Variants in KCNQ1 observed in about 807,000 individuals in gnomAD.
The protein encoded by KCNQ1 is potassium voltage-gated channel subfamily KQT member 1.
A neutral mutation model predicts 72.4 loss-of-function variants in KCNQ1; 49 were observed. The observed-to-expected ratio is 0.68, with a 90% CI of 0.54 to 0.86. KCNQ1 has a LOEUF of 0.86. Among genes scored for constraint, KCNQ1 ranks in the 40% least tolerant of loss-of-function variants. The pLI is 0.00. For missense variants in KCNQ1, 790 were observed against 945.1 expected (o/e 0.84, Z 2.15); for synonymous variants, 450 against 412.6 (o/e 1.09, Z -1.10).
Position 2,784,257 on chromosome 11 carries a change from A to G in KCNQ1, c.1794+6220A>G, listed in dbSNP as rs1170661671. Among the ~76,000 whole-genome samples, 1 of 151,938 alleles carries G rather than the reference A, an allele frequency of 6.6e-6. No individual in the cohort carries two copies. Among genetic ancestry groups the G allele is most frequent in the Admixed American group, 6.6e-5 (1 of 15,264 alleles). On this transcript the variant is annotated intron_variant, in intron 15 of 15. Coordinates refer to ENST00000155840, the MANE Select transcript of KCNQ1 (RefSeq NM_000218.3). The surrounding 1 kb of genome is among the most constrained non-coding windows in gnomAD (Gnocchi z 4.7). ...TCCAATTGCCCCAGAACATTTGTTG[A>G]AAATACCCCATTTCCTCCTTTGAAT...
intron 1 of KCNQ1, among the ~76,000 whole-genome samples, chr11:2,520,383 T>A (rs1847360416): frequency 6.6e-6 from 1 of 152,198 alleles, no homozygotes; most frequent in Non-Finnish European, 1.5e-5. Context: ...CTCACCCCTT[T>A]GGGAGGGGTC....
chr11:2,839,460 G>C (rs1234580941), intron 15 of KCNQ1, among the ~76,000 whole-genome samples: 2 of 152,260 alleles, frequency 1.3e-5, no homozygotes, highest in African/African-American at 4.8e-5. Context: ...CCAGATGCAG[G>C]GAGGGAGGTG....
intron 2 of KCNQ1, among the ~76,000 whole-genome samples, chr11:2,530,475 A>C (rs894909286): frequency 6.6e-6 from 1 of 152,192 alleles, no homozygotes. Context: ...CGCGCTGCCA[A>C]ACATTCCCCT....
rs1205494680 is a variant in KCNQ1 at position 2,571,200 on chromosome 11, G to A, written c.605-125G>A. The A allele has an allele frequency of 1.5e-5, 12 of 796,558 alleles. No individual in the cohort carries two copies. In the East Asian group the frequency reaches 1.8e-4, roughly 12 times the overall value. 49.3% of individuals were successfully genotyped at this position (796,558 alleles called of 1,614,324 possible). A position where few individuals can be genotyped will look rare whatever the true frequency, so the allele number is the denominator to read the frequency against. ...CTATCCGAGGTGTCTCCATGTCCCC[G>A]GTCATCAGGGCGTGACCCGTCTGAC... is the stretch of plus-strand genomic sequence containing the variant. On this transcript the variant is annotated intron_variant, in intron 3 of 15. Coordinates refer to ENST00000155840, the MANE Select transcript of KCNQ1 (RefSeq NM_000218.3).
At chr11:2,777,936 C>G in intron 14 of KCNQ1, 40 bp from the exon 15 acceptor site, 1 of 1,607,316 alleles carries the variant, frequency 6.2e-7, no homozygotes. Context: ...CCGGCCCACC[C>G]CAGCACTTGG....
intron 11 of KCNQ1, among the ~76,000 whole-genome samples, chr11:2,709,730 C>T (rs1052028867): frequency 6.6e-6 from 1 of 152,196 alleles, no homozygotes; most frequent in Non-Finnish European, 1.5e-5. Context: ...TAGCTGGAAT[C>T]ACACACTAAG....
chr11:2,567,994 C>T lies in KCNQ1; in HGVS notation c.478-2634C>T, dbSNP rs756517917. ...AAAAGTGCATCAAAACAAGGTCAGG[C>T]GCGGTGGCTCACGCTTATAATCCCA... On this transcript the variant is annotated intron_variant, in intron 2 of 15. Transcript: ENST00000155840. This position sits in a 1 kb window ranked among gnomAD's most constrained non-coding sequence, Gnocchi z 6.6. Among the ~76,000 whole-genome samples the T allele has an allele frequency of 5.3e-5, 8 of 152,166 alleles. No homozygotes were observed. Among genetic ancestry groups the T allele is most frequent in the Non-Finnish European group, 1.0e-4 (7 of 68,038 alleles).
intron 6 of KCNQ1, among the ~76,000 whole-genome samples, chr11:2,574,633 A>G (rs528781056): frequency 6.6e-6 from 1 of 152,264 alleles, no homozygotes; most frequent in South Asian, 2.1e-4. Context: ...GTGGCTCCCC[A>G]GGCAGGCACG....
chr11:2,788,740 G>A (rs1296927604), intron 15 of KCNQ1, among the ~76,000 whole-genome samples: 3 of 152,206 alleles, frequency 2.0e-5, no homozygotes, highest in Non-Finnish European at 4.4e-5. Context: ...CTGAGGAGCC[G>A]TCTTAGTGGA....
In KCNQ1 at chr11:2,445,479, C is replaced by T. The variant is rs199472682; in HGVS notation, c.381C>T (p.Phe127=). ...GCTGGAAATGCTTCGTTTACCACTT[C>T]GCCGTGTGAGTATCGCCACCGGCGA... ...PTGWKCFVYH[F]AVFLIVLVCL... is the part of the protein sequence containing the mutation. Residue 127 remains phenylalanine, a synonymous_variant, in exon 1 of 16, where the codon TTC becomes TTT. Coordinates refer to ENST00000155840, the MANE Select transcript of KCNQ1 (RefSeq NM_000218.3). 3.8e-6 allele frequency: 6 copies of T among 1,594,964 alleles called. No individual in the cohort carries two copies. The highest frequency in any genetic ancestry group is 2.2e-5 in the East Asian group (1 of 44,752).
intron 15 of KCNQ1, among the ~76,000 whole-genome samples, chr11:2,838,369 A>G (rs1450344919): frequency 6.6e-6 from 1 of 152,052 alleles, no homozygotes; most frequent in Non-Finnish European, 1.5e-5. Flanking sequence ...CAGGCTGCAG[A>G]GTGAGGCCAG....
In KCNQ1 at chr11:2,690,387, C is replaced by A. The variant is rs1850568766; in HGVS notation, c.1514+28306C>A. On this transcript the variant is annotated intron_variant, in intron 11 of 15. Transcript: ENST00000155840. The surrounding 1 kb of genome is among the most constrained non-coding windows in gnomAD (Gnocchi z 5.1). ...TACTTGGCATGGAACATGTGCCAGA[C>A]CAAAAGAGCTATCTCTCTCCCTGCG... The A allele has an allele frequency of 2.5e-6, 1 of 398,538 alleles. No individual in the cohort carries two copies. Among genetic ancestry groups the A allele is most frequent in the African/African-American group, 2.1e-5 (1 of 48,626 alleles). 24.7% of individuals were successfully genotyped at this position (398,538 alleles called of 1,614,324 possible). A position where few individuals can be genotyped will look rare whatever the true frequency, so the allele number is the denominator to read the frequency against.
chr11:2,779,809 A>C (rs918608022), intron 15 of KCNQ1, among the ~76,000 whole-genome samples: 4 of 152,208 alleles, frequency 2.6e-5, no homozygotes, highest in Non-Finnish European at 4.4e-5. Flanking sequence ...GTCCTCAGTC[A>C]GCCAAGGTCG....
intron 1 of KCNQ1, among the ~76,000 whole-genome samples, chr11:2,510,520 T>TAGAGGTTG (rs1847181861): frequency 6.6e-6 from 1 of 152,028 alleles, no homozygotes; most frequent in South Asian, 2.1e-4. Flanking sequence ...GGTGGGAGGA[T>TAGAGGTTG]CACTTGAGCC....
At chr11:2,518,812 G>A (rs374748442) in intron 1 of KCNQ1, among the ~76,000 whole-genome samples, 22 of 152,288 alleles carry the variant, frequency 1.4e-4, no homozygotes, top group African/African-American at 2.9e-4. Flanking sequence ...CTCAGCTGCC[G>A]CGGAACAAGC....
At position 2,592,143 on chromosome 11, in the gene KCNQ1, C is replaced by T. The variant is rs886730507; in HGVS notation, c.1393+3289C>T. 2.6e-5 allele frequency among the ~76,000 whole-genome samples: 4 copies of T among 152,252 alleles called. No homozygotes were observed. Among genetic ancestry groups the T allele is most frequent in the Non-Finnish European group, 4.4e-5 (3 of 68,048 alleles). On this transcript the variant is annotated intron_variant, in intron 10 of 15. Coordinates refer to ENST00000155840, the MANE Select transcript of KCNQ1 (RefSeq NM_000218.3). The surrounding 1 kb of genome is among the most constrained non-coding windows in gnomAD (Gnocchi z 5.2). ...ACCCTGCCTCAGGGCTGCTACCTGT[C>T]TGCGCCATCCACCTGCACACAAGCC...
In KCNQ1 at chr11:2,698,876, A is replaced by T. The variant is rs1260144935; in HGVS notation, c.1514+36795A>T. On this transcript the variant is annotated intron_variant, in intron 11 of 15. Transcript: ENST00000155840. This position sits in a 1 kb window ranked among gnomAD's most constrained non-coding sequence, Gnocchi z 5.1. ...CAGACCCGGACTGACTGGGACCCCA[A>T]CTACTCAGATCCCAACTCAGGCAAA... 2.5e-6 allele frequency: 1 copy of T among 398,660 alleles called. No individual in the cohort carries two copies. Among genetic ancestry groups the T allele is most frequent in the African/African-American group, 2.1e-5 (1 of 48,606 alleles). The allele number at this position is 398,660 out of a possible 1,614,324, so 24.7% of individuals were successfully genotyped here.
rs1022619846 is a variant in KCNQ1 at position 2,815,611 on chromosome 11, C to A, written c.1795-32156C>A. Among the ~76,000 whole-genome samples the A allele has an allele frequency of 2.6e-5, 4 of 152,144 alleles. No individual in the cohort carries two copies. The highest frequency in any genetic ancestry group is 9.7e-5 in the African/African-American group (4 of 41,426). On this transcript the variant is annotated intron_variant, in intron 15 of 15. Coordinates refer to ENST00000155840, the MANE Select transcript of KCNQ1 (RefSeq NM_000218.3). This position sits in a 1 kb window ranked among gnomAD's most constrained non-coding sequence, Gnocchi z 5.4. ...CAAGAAAGATGAGGCACCCAGGATG[C>A]CTGACAGTAGAGTTGCAGGGGGGCA...
At chr11:2,771,865 G>T (rs982317429) in intron 12 of KCNQ1, among the ~76,000 whole-genome samples, 1 of 152,200 alleles carries the variant, frequency 6.6e-6, no homozygotes, top group Non-Finnish European at 1.5e-5. Context: ...GAGGGAGTGG[G>T]TCCCCTTTCC....
Sources: allele counts gnomAD v4.1 joint callset (sites outside exome capture counted in the v4.1 genomes callset), GRCh38; gene constraint gnomAD v4.1.1; non-coding constraint Gnocchi (gnomAD v3.1); transcripts MANE v1.5; gene names NCBI Gene and HGNC (gene_info 2026-07-23, HGNC 2026-07-21).